CERCAM: variants seen among roughly 807,000 people sequenced by gnomAD.
The protein encoded by CERCAM is inactive glycosyltransferase 25 family member 3.
A neutral mutation model predicts 66.0 loss-of-function variants in CERCAM; 59 were observed. The ratio of observed to expected loss-of-function variants is 0.89; its 90% CI spans 0.73 to 1.11. The LOEUF (loss-of-function observed/expected upper bound fraction) is 1.11. Among genes scored for constraint, CERCAM ranks in the 50% most tolerant of loss-of-function variants. CERCAM has a pLI of 0.00. For synonymous variants in CERCAM, 318 were observed against 343.6 expected (o/e 0.93, Z 0.83); for missense variants, 840 against 828.3 (o/e 1.01, Z -0.17).
chr9:128,419,406 G>A (rs928394172), upstream of CERCAM: 1 of 152,436 alleles, frequency 6.6e-6, no homozygotes, highest in Non-Finnish European at 1.5e-5. Flanking sequence ...TAGGAAAGGA[G>A]ATCTTCCCAG....
intron 11 of CERCAM, among the ~76,000 whole-genome samples, chr9:128,435,050 G>A (rs1010818602): frequency 6.6e-6 from 1 of 151,788 alleles, no homozygotes; most frequent in Non-Finnish European, 1.5e-5. Flanking sequence ...GTGCGGTGCA[G>A]TGGCGCAATC....
intron 5 of CERCAM, among the ~76,000 whole-genome samples, chr9:128,425,815 C>CT (rs75397129): frequency 0.034 from 3,676 of 107,422 alleles, 160 homozygotes; most frequent in African/African-American, 0.084. Context: ...CCAGCCCAGC[C>CT]TTTTTTTTTT....
Position 128,428,290 on chromosome 9 carries a change from C to A in CERCAM, c.767-12C>A. ...CCCTCCACTGCAGCTCTCACTCAGC[C>A]TGTCTCTGCAGGGGTCTCCGTCCAC... On this transcript the variant is annotated splice_polypyrimidine_tract_variant and intron_variant, in intron 5 of 12. Transcript: ENST00000372838. 1 of 1,613,412 alleles carries A rather than the reference C, an allele frequency of 6.2e-7. No homozygotes were observed. The highest frequency in any genetic ancestry group is 8.5e-7 in the Non-Finnish European group (1 of 1,179,584).
intron 5 of CERCAM, among the ~76,000 whole-genome samples, chr9:128,426,374 A>G (rs1230820362): frequency 1.3e-5 from 2 of 151,904 alleles, no homozygotes; most frequent in Non-Finnish European, 2.9e-5. Context: ...CCTGTAATCT[A>G]AGCACTTTGG....
chr9:128,421,144 G>A, intron 1 of CERCAM, 70 bp downstream of exon 1: 1 of 1,260,430 alleles, frequency 7.9e-7, no homozygotes, highest in Non-Finnish European at 1.0e-6. Flanking sequence ...CCCGCCCCCG[G>A]CGGCCCTGTC....
At position 128,434,105 on chromosome 9, in the gene CERCAM, G is replaced by T. The variant is rs757840914; in HGVS notation, c.1207G>T (p.Val403Phe). Residue 403 changes from valine to phenylalanine, a missense_variant, in exon 10 of 13, where the codon GTT (valine) becomes TTT (phenylalanine). Transcript: ENST00000372838. This position sits in a 1 kb window ranked among gnomAD's most constrained non-coding sequence, Gnocchi z 4.5. ...LSHYSIWEEV[V>F]ARGLARVLVF... ...CCCACCCCATTGTATGCCACAGGTG[G>T]TTGCCAGGGGCCTGGCCCGGGTCCT... 1 of 1,614,138 alleles carries T rather than the reference G, an allele frequency of 6.2e-7. No individual in the cohort carries two copies. Among genetic ancestry groups the T allele is most frequent in the African/African-American group, 1.3e-5 (1 of 75,070 alleles).
upstream of CERCAM, chr9:128,419,833 A>G (rs1052220258): frequency 1.3e-5 from 2 of 151,220 alleles, no homozygotes; most frequent in Admixed American, 6.6e-5. Context: ...CCCTAGTTCT[A>G]CACTCAGACC....
chr9:128,421,058 G>T lies in CERCAM; in HGVS notation c.181G>T (p.Ala61Ser). The change falls in exon 1 of 13, where the codon GCC becomes TCC. Residue 61 changes from alanine to serine, a missense_variant. Ala to Ser is a moderately conservative substitution (Grantham distance 99). Transcript: ENST00000372838. ...TCTGGAGCGGCTGGACTACCCCCGG[G>T]CCAGGATGGCCCTCTGGTGAGAGAC... ...GALERLDYPR[A>S]RMALWCATDH... 7.4e-7 allele frequency: 1 copy of T among 1,349,482 alleles called. No homozygotes were observed. The highest frequency in any genetic ancestry group is 9.5e-7 in the Non-Finnish European group (1 of 1,049,648). The allele number at this position is 1,349,482 out of a possible 1,614,324, so 83.6% of individuals were successfully genotyped here.
chr9:128,430,264 T>C (rs1833944559), intron 8 of CERCAM, among the ~76,000 whole-genome samples: 1 of 152,050 alleles, frequency 6.6e-6, no homozygotes, highest in Non-Finnish European at 1.5e-5. Flanking sequence ...TAGCCAGGTG[T>C]GGTAGTGGGT....
chr9:128,420,839 A>C (rs1833690779), upstream of CERCAM: 1 of 1,064,368 alleles, frequency 9.4e-7, no homozygotes, highest in Non-Finnish European at 1.2e-6. This position sits in a 1 kb window ranked among gnomAD's most constrained non-coding sequence, Gnocchi z 5.0. Context: ...GGCCGGCCCG[A>C]GAGCTCCGGG....
intron 1 of CERCAM, chr9:128,421,957 C>G (rs1833719742): frequency 6.6e-6 from 1 of 152,330 alleles, no homozygotes; most frequent in Non-Finnish European, 1.5e-5. Context: ...CACCCAAAAC[C>G]TGGGCACTTG....
intron 1 of CERCAM, 101 bp from the exon 2 acceptor site, chr9:128,422,767 G>A: frequency 1.5e-6 from 2 of 1,339,778 alleles, no homozygotes; most frequent in Admixed American, 2.1e-5. Context: ...CTGTTCCAAG[G>A]AGAGCTCGAC....
At chr9:128,428,728 T>C in intron 6 of CERCAM, 29 bp from the exon 7 acceptor site, 1 of 1,612,756 alleles carries the variant, frequency 6.2e-7, no homozygotes, top group Non-Finnish European at 8.5e-7. Flanking sequence ...CAGTAGGGAC[T>C]CGTGCTTGGG....
chr9:128,422,312 A>G (rs1362780266), intron 1 of CERCAM: 1 of 152,702 alleles, frequency 6.5e-6, no homozygotes, highest in African/African-American at 2.4e-5. Flanking sequence ...TCACGCCTGT[A>G]ATTTCAGCAC....
At chr9:128,421,974 C>CTTTA (rs984868407) in intron 1 of CERCAM, 6 of 152,346 alleles carry the variant, frequency 3.9e-5, no homozygotes, top group African/African-American at 1.4e-4. Flanking sequence ...CTTGGCTAAA[C>CTTTA]CCCCACCTCT....
chr9:128,431,222 C>T lies in CERCAM; in HGVS notation c.1122C>T (p.Gly374=). 1 of 1,614,070 alleles carries T rather than the reference C, an allele frequency of 6.2e-7. No individual in the cohort carries two copies. Among genetic ancestry groups the T allele is most frequent in the Non-Finnish European group, 8.5e-7 (1 of 1,180,018 alleles). ...ACCTCGGCGTAGACCTGCTCCCGGG[C>T]TACCAGGACCCTTACTCGGGCCGCA... is the stretch of plus-strand genomic sequence containing the variant. ...IRNLGVDLLP[G]YQDPYSGRTL... is the part of the protein sequence containing the mutation. The change falls in exon 9 of 13, where the codon GGC becomes GGT. Residue 374 remains glycine, a synonymous_variant. Coordinates refer to ENST00000372838, the MANE Select transcript of CERCAM (RefSeq NM_016174.5).
chr9:128,428,911 A>AC lies in CERCAM; in HGVS notation c.964-13dup, dbSNP rs1399056246. 3.7e-6 allele frequency: 6 copies of AC among 1,601,976 alleles called. No individual in the cohort carries two copies. In the African/African-American group the frequency reaches 5.4e-5, roughly 14 times the overall value. ...TTCCGCTCCCTTGCACTTACCGCCC[A>AC]CCCCCCTGCCTCCTCCAGGTCTTTG... is the stretch of plus-strand genomic sequence containing the variant. On this transcript the variant is annotated intron_variant, in intron 7 of 12. Transcript: ENST00000372838.
At chr9:128,421,636 C>A in intron 1 of CERCAM, 1 of 598,530 alleles carries the variant, frequency 1.7e-6, no homozygotes, top group Non-Finnish European at 2.1e-6. Flanking sequence ...TCCTGTCAGC[C>A]AAGGGCAGTC....
chr9:128,431,094 C>G (rs561474544), intron 8 of CERCAM, 77 bp from the exon 9 acceptor site: 1 of 1,532,394 alleles, frequency 6.5e-7, no homozygotes. Context: ...GTGACTGTCC[C>G]CAACATGCAC....
Sources: gnomAD v4.1 joint callset for allele counts (sites outside exome capture counted in the v4.1 genomes callset) on GRCh38, gnomAD v4.1.1 for gene constraint, Gnocchi (gnomAD v3.1) non-coding constraint, MANE v1.5 for transcripts, NCBI Gene and HGNC (gene_info 2026-07-23, HGNC 2026-07-21) for gene names.